CD81: variants seen among roughly 807,000 people sequenced by gnomAD.
CD81 encodes the protein CD81 antigen.
A neutral mutation model predicts 30.1 loss-of-function variants in CD81; 10 were observed. The observed-to-expected ratio is 0.33, with a 90% CI of 0.21 to 0.56. The LOEUF is 0.56. Ranked by LOEUF, CD81 falls within the 20% of genes least tolerant of loss-of-function variation. CD81 has a pLI of 0.89. For missense variants in CD81, 263 were observed against 308.7 expected, an observed-to-expected ratio of 0.85 and a Z score of 1.11; for synonymous variants, 147 against 126.4, an observed-to-expected ratio of 1.16 and a Z score of -1.10.
intron 1 of CD81, among the ~76,000 whole-genome samples, chr11:2,389,203 C>T (rs1031420174): frequency 1.3e-5 from 2 of 152,176 alleles, no homozygotes; most frequent in Admixed American, 6.5e-5. Flanking sequence ...ACCCAGCCCC[C>T]ACCCTGTCTA....
At chr11:2,387,546 G>A (rs1849818733) in intron 1 of CD81, among the ~76,000 whole-genome samples, 1 of 152,076 alleles carries the variant, frequency 6.6e-6, no homozygotes, top group South Asian at 2.1e-4. Flanking sequence ...CCACCCCCCA[G>A]CCCCCACCCT....
chr11:2,394,081 T>C lies in CD81; in HGVS notation c.182-14T>C. ...AGTGTGTAGGCACCCACCTGGTGTC[T>C]CTCTCCCCGCAAGGCATCTACATCC... is the stretch of plus-strand genomic sequence containing the variant. On this transcript the variant is annotated splice_polypyrimidine_tract_variant and intron_variant, in intron 2 of 7. Transcript: ENST00000263645. The C allele has an allele frequency of 6.2e-7, 1 of 1,605,166 alleles. No individual in the cohort carries two copies. Among genetic ancestry groups the C allele is most frequent in the Non-Finnish European group, 8.5e-7 (1 of 1,172,736 alleles).
At chr11:2,379,034 T>C in intron 1 of CD81, 1 of 413,190 alleles carries the variant, frequency 2.4e-6, no homozygotes, top group Non-Finnish European at 5.0e-6. Flanking sequence ...CCTTCGGCAC[T>C]GCCCTGGCAG....
At chr11:2,390,256 C>T in intron 1 of CD81, 156 bp from the exon 2 acceptor site, 1 of 724,384 alleles carries the variant, frequency 1.4e-6, no homozygotes, top group Non-Finnish European at 2.5e-6. Flanking sequence ...TCCCGGGGCT[C>T]TTCAGGGCAT....
At position 2,390,544 on chromosome 11, in the gene CD81, C is replaced by T. The variant is rs748336401; in HGVS notation, c.181+18C>T. On this transcript the variant is annotated intron_variant, in intron 2 of 7. Coordinates refer to ENST00000263645, the MANE Select transcript of CD81 (RefSeq NM_004356.4). ...CTATGTAGGTGAGTGCACATGTGGC[C>T]GCAGACGCATTCAGGGAGGGCTTCT... The T allele has an allele frequency of 9.0e-6, 14 of 1,557,736 alleles. No individual in the cohort carries two copies. The highest frequency in any genetic ancestry group is 5.6e-5 in the South Asian group (5 of 89,968).
rs542583585 is a variant in CD81 at position 2,381,294 on chromosome 11, G to A, written c.66+3679G>A. Among the ~76,000 whole-genome samples, 54 of 152,350 alleles carry A rather than the reference G, an allele frequency of 3.5e-4. No individual in the cohort carries two copies. In the South Asian group the frequency reaches 9.3e-3, roughly 26 times the overall value. On this transcript the variant is annotated intron_variant, in intron 1 of 7. Transcript: ENST00000263645. ...GAGGTATGGGCCTACTTCCCCGGTCGCCCCTGTGGCTGGCTGTGGCTCTGC... is the reference window on the plus strand; with the variant it reads ...GAGGTATGGGCCTACTTCCCCGGTCACCCCTGTGGCTGGCTGTGGCTCTGC...
At chr11:2,389,175 A>G (rs1849851049) in intron 1 of CD81, among the ~76,000 whole-genome samples, 1 of 152,282 alleles carries the variant, frequency 6.6e-6, no homozygotes, top group Non-Finnish European at 1.5e-5. Context: ...AAGAAACCCC[A>G]GGAGAGGTCT....
At chr11:2,394,388 G>A (rs901174169) in intron 3 of CD81, among the ~76,000 whole-genome samples, 196 bp downstream of exon 3, 10 of 152,176 alleles carry the variant, frequency 6.6e-5, no homozygotes, top group African/African-American at 1.9e-4. Flanking sequence ...CAGTTCCTAC[G>A]TGACCGCTTT....
chr11:2,390,344 T>C, intron 1 of CD81, 68 bp from the exon 2 acceptor site: 1 of 1,217,816 alleles, frequency 8.2e-7, no homozygotes, highest in Non-Finnish European at 1.2e-6. Context: ...AGGCCTTGCG[T>C]GTGGGGTGGG....
intron 1 of CD81, 25 bp from the exon 2 acceptor site, chr11:2,390,387 T>G: frequency 1.3e-6 from 2 of 1,576,248 alleles, no homozygotes; most frequent in Non-Finnish European, 1.7e-6. Context: ...TTCGTACATG[T>G]GACACTGTTC....
chr11:2,390,520 T>C lies in CD81; in HGVS notation c.175T>C (p.Tyr59His). 6.2e-7 allele frequency: 1 copy of C among 1,605,488 alleles called. No individual in the cohort carries two copies. Among genetic ancestry groups the C allele is most frequent in the Non-Finnish European group, 8.5e-7 (1 of 1,173,144 alleles). The change falls in exon 2 of 8, where the codon TAT (tyrosine) becomes CAT (histidine). Residue 59 changes from tyrosine (Y) to histidine (H), a missense_variant. By Grantham distance (83) the Tyr-to-His change is moderately conservative. Transcript: ENST00000263645. ...LGDKPAPNTFYVGIYILIAVG... is the reference protein window; with the variant it reads ...LGDKPAPNTFHVGIYILIAVG... Reference sequence around the variant, plus strand: ...AGACAAGCCCGCGCCCAACACCTTCTATGTAGGTGAGTGCACATGTGGCCG... The same window carrying C: ...AGACAAGCCCGCGCCCAACACCTTCCATGTAGGTGAGTGCACATGTGGCCG...
chr11:2,393,831 CAGCACTCAG>C, intron 2 of CD81: 1 of 644,244 alleles, frequency 1.6e-6, no homozygotes, highest in Non-Finnish European at 2.8e-6. Flanking sequence ...CACCTGTCGC[CAGCACTCAG>C]AGCGCTCATG....
intron 5 of CD81, 48 bp downstream of exon 5, chr11:2,395,568 G>A: frequency 4.8e-6 from 7 of 1,452,774 alleles, no homozygotes; most frequent in Non-Finnish European, 6.8e-6. Context: ...CGGGAACCCG[G>A]CGGGGTGTGT....
At chr11:2,380,172 C>T (rs112058509) in intron 1 of CD81, among the ~76,000 whole-genome samples, 14 of 152,258 alleles carry the variant, frequency 9.2e-5, no homozygotes, top group African/African-American at 3.4e-4. Context: ...CCAGCCCAGA[C>T]AGGCAGGATG....
intron 1 of CD81, among the ~76,000 whole-genome samples, chr11:2,388,885 T>C (rs1201886555): frequency 1.3e-5 from 2 of 152,164 alleles, no homozygotes; most frequent in Non-Finnish European, 2.9e-5. Flanking sequence ...GTGGCCGCAC[T>C]TGTGGGGCCC....
chr11:2,382,144 G>T (rs1376624707), intron 1 of CD81, among the ~76,000 whole-genome samples: 1 of 152,226 alleles, frequency 6.6e-6, no homozygotes, highest in Non-Finnish European at 1.5e-5. Context: ...TCTCACTTTT[G>T]GGGCTGTAGG....
chr11:2,394,210 G>T lies in CD81; in HGVS notation c.279+18G>T. On this transcript the variant is annotated intron_variant, in intron 3 of 7. Transcript: ENST00000263645. ...TGGGGACGGTAAGGCAGGGAGGCGG[G>T]CCTGTGCCTGGGCCGGGGAGGGGCT... 6.4e-7 allele frequency: 1 copy of T among 1,565,730 alleles called. No homozygotes were observed. Among genetic ancestry groups the T allele is most frequent in the Non-Finnish European group, 8.8e-7 (1 of 1,139,320 alleles).
chr11:2,377,569 C>G lies in CD81; in HGVS notation c.20C>G (p.Thr7Ser). 1 of 1,516,952 alleles carries G rather than the reference C, an allele frequency of 6.6e-7. No homozygotes were observed. The highest frequency in any genetic ancestry group is 8.9e-7 in the Non-Finnish European group (1 of 1,127,728). The allele number at this position is 1,516,952 out of a possible 1,614,324, so 94.0% of individuals were successfully genotyped here. Reference protein sequence around the residue: MGVEGCTKCIKYLLFVF... With the variant: MGVEGCSKCIKYLLFVF... ...GCCGCCATGGGAGTGGAGGGCTGCA[C>G]CAAGTGCATCAAGTACCTGCTCTTC... Residue 7 changes from threonine (T) to serine (S), a missense_variant, in exon 1 of 8, where the codon ACC (threonine) becomes AGC (serine). Coordinates refer to ENST00000263645, the MANE Select transcript of CD81 (RefSeq NM_004356.4). This position sits in a 1 kb window ranked among gnomAD's most constrained non-coding sequence, Gnocchi z 7.7.
intron 1 of CD81, among the ~76,000 whole-genome samples, chr11:2,380,600 G>A (rs1849689087): frequency 6.6e-6 from 1 of 152,178 alleles, no homozygotes; most frequent in Non-Finnish European, 1.5e-5. Context: ...GGAGGACATT[G>A]CAGATGCCCT....
Sources: gnomAD v4.1 joint callset for allele counts (sites outside exome capture counted in the v4.1 genomes callset) on GRCh38, gnomAD v4.1.1 for gene constraint, Gnocchi (gnomAD v3.1) non-coding constraint, MANE v1.5 for transcripts, NCBI Gene and HGNC (gene_info 2026-07-23, HGNC 2026-07-21) for gene names.